The following ZNF827 variants were observed in gnomAD, a reference collection of about 807,000 sequenced individuals.
The protein encoded by ZNF827 is zinc finger protein 827.
A neutral mutation model predicts 102.4 loss-of-function variants in ZNF827; 13 were observed. The observed-to-expected ratio is 0.13, with a 90% CI of 0.08 to 0.20. ZNF827 has a LOEUF of 0.20. ZNF827 is among the 10% of genes least tolerant of loss of function. ZNF827 has a pLI of 1.00. For synonymous variants in ZNF827, 523 were observed against 536.2 expected (o/e 0.98, Z 0.34); for missense variants, 1,103 against 1,344.4 (o/e 0.82, Z 2.81).
intron 8 of ZNF827, among the ~76,000 whole-genome samples, chr4:145,811,577 T>G (rs1287547151): frequency 1.3e-5 from 2 of 152,190 alleles, no homozygotes; most frequent in Non-Finnish European, 2.9e-5. Context: ...GTGCAAGACC[T>G]TGGAAGTGCC....
At chr4:145,837,896 C>A (rs1745022159) in intron 7 of ZNF827, among the ~76,000 whole-genome samples, 1 of 152,134 alleles carries the variant, frequency 6.6e-6, no homozygotes, top group Non-Finnish European at 1.5e-5. Context: ...AGCTTAATCT[C>A]TCCCACTCTA....
chr4:145,901,984 T>G (rs189517356), intron 2 of ZNF827, among the ~76,000 whole-genome samples, 182 bp downstream of exon 2: 39 of 152,380 alleles, frequency 2.6e-4, no homozygotes, highest in African/African-American at 8.2e-4. Flanking sequence ...TTGTGAAGTC[T>G]TTGTGTAATA....
At chr4:145,832,301 C>CCACACA (rs58517710) in intron 7 of ZNF827, 9,605 of 147,778 alleles carry the variant, frequency 0.065, 334 homozygotes, top group African/African-American at 0.093. Flanking sequence ...CAAAACAAAA[C>CCACACA]CACACACACA....
chr4:145,847,141 G>T (rs1485664785), intron 6 of ZNF827, among the ~76,000 whole-genome samples: 1 of 151,244 alleles, frequency 6.6e-6, no homozygotes, highest in Non-Finnish European at 1.5e-5. Context: ...GCGACAGAGT[G>T]TAACTCTGTC....
chr4:145,823,396 A>G, intron 8 of ZNF827, 26 bp downstream of exon 8: 1 of 1,581,708 alleles, frequency 6.3e-7, no homozygotes, highest in Non-Finnish European at 8.7e-7. Flanking sequence ...TCAACAGTAG[A>G]AGCAAAGCCA....
In ZNF827 at chr4:145,785,916, T is replaced by C. The variant is rs373625221; in HGVS notation, c.2384-6405A>G. Among the ~76,000 whole-genome samples, 4 of 152,216 alleles carry C rather than the reference T, an allele frequency of 2.6e-5. No homozygotes were observed. The South Asian group carries it at 8.3e-4, about 31-fold the overall frequency. On this transcript the variant is annotated intron_variant, in intron 8 of 14. Coordinates refer to ENST00000508784, the MANE Select transcript of ZNF827 (RefSeq NM_001306215.2). ...ACACTAGCACTTTTCTCCATTTCTG[T>C]TATTAAAAGTATAAGCCTAGAATAT... is the stretch of plus-strand genomic sequence containing the variant.
At position 145,765,866 on chromosome 4, in the gene ZNF827, C is replaced by T. The variant is rs559537329; in HGVS notation, c.2861-128G>A. ...TGGGGGCACAGGCTCATGTCCCCAG[C>T]TCCCCCACTGCTGGGGGATCCCAGG... On this transcript the variant is annotated intron_variant, in intron 11 of 14. Coordinates refer to ENST00000508784, the MANE Select transcript of ZNF827 (RefSeq NM_001306215.2). This position sits in a 1 kb window ranked among gnomAD's most constrained non-coding sequence, Gnocchi z 4.7. The T allele has an allele frequency of 1.3e-5, 12 of 919,496 alleles. No individual in the cohort carries two copies. The East Asian group carries it at 3.3e-4, about 25-fold the overall frequency. The allele number at this position is 919,496 out of a possible 1,614,324, so 57.0% of individuals were successfully genotyped here. A position where few individuals can be genotyped will look rare whatever the true frequency, so the allele number is the denominator to read the frequency against.
At position 145,870,456 on chromosome 4, in the gene ZNF827, C is replaced by T. The variant is rs1349628837; in HGVS notation, c.1770G>A (p.Met590Ile). The T allele has an allele frequency of 4.3e-6, 7 of 1,614,040 alleles. No homozygotes were observed. Among genetic ancestry groups the T allele is most frequent in the Non-Finnish European group, 5.9e-6 (7 of 1,179,988 alleles). The change falls in exon 5 of 15, where the codon ATG (methionine) becomes ATA (isoleucine). Residue 590 changes from methionine to isoleucine, a missense_variant. Physicochemically the swap from Met to Ile is conservative, Grantham distance 10. Coordinates refer to ENST00000508784, the MANE Select transcript of ZNF827 (RefSeq NM_001306215.2). ...KLSAANQKEP[M>I]NLNFKVKEEP... ...CCTCTTTCACTTTAAAATTAAGATT[C>T]ATGGGCTCCTTCTGATTTGCAGCTG...
At chr4:145,892,652 C>T (rs1382143233) in intron 2 of ZNF827, among the ~76,000 whole-genome samples, 1 of 146,340 alleles carries the variant, frequency 6.8e-6, no homozygotes, top group Non-Finnish European at 1.6e-5. Context: ...ATCATCCTGC[C>T]TTGTGAAAGT....
chr4:145,896,892 T>C (rs1277236019), intron 2 of ZNF827, among the ~76,000 whole-genome samples: 1 of 152,198 alleles, frequency 6.6e-6, no homozygotes, highest in Non-Finnish European at 1.5e-5. Flanking sequence ...AGAGATGATC[T>C]TATGGGAGGT....
Position 145,757,817 on chromosome 4 carries a change from AT to A in ZNF827, c.*3798del, listed in dbSNP as rs1454174909. The A allele has an allele frequency of 6.6e-6, 1 of 152,202 alleles. No homozygotes were observed. Among genetic ancestry groups the A allele is most frequent in the Non-Finnish European group, 1.5e-5 (1 of 68,024 alleles). The allele number at this position is 152,202 out of a possible 1,614,324, so 9.4% of individuals were successfully genotyped here. On this transcript the variant is annotated 3_prime_UTR_variant, in exon 15 of 15. Transcript: ENST00000508784. ...AGTAATGTACACAAACCTTGACAGT[AT>A]GATCATCTGAACATAATATGAAGAG...
chr4:145,925,162 A>C (rs1753338093), intron 1 of ZNF827, among the ~76,000 whole-genome samples: 1 of 152,166 alleles, frequency 6.6e-6, no homozygotes, highest in Admixed American at 6.5e-5. Context: ...CACCACAGGA[A>C]AGACCCATCC....
intron 1 of ZNF827, among the ~76,000 whole-genome samples, chr4:145,914,062 GACACACACAC>G: frequency 6.7e-6 from 1 of 148,216 alleles, no homozygotes; most frequent in East Asian, 2.0e-4. Flanking sequence ...TTTCTTTGTA[GACACACACAC>G]ACACACACAC....
intron 7 of ZNF827, among the ~76,000 whole-genome samples, chr4:145,843,303 T>A (rs562137627): frequency 6.6e-6 from 1 of 151,966 alleles, no homozygotes; most frequent in East Asian, 1.9e-4. Flanking sequence ...AAACACCATA[T>A]CATGCCGGGA....
In ZNF827 at chr4:145,844,684, A is replaced by ATAAATAAAT. The variant is rs1270739565; in HGVS notation, c.2279+1263_2279+1271dup. On this transcript the variant is annotated intron_variant, in intron 7 of 14. Coordinates refer to ENST00000508784, the MANE Select transcript of ZNF827 (RefSeq NM_001306215.2). Reference sequence around the variant, plus strand: ...AACAGAGTGAGACTGTCTCAAATAAATAAATAAATAAATAAATAAATAAAT... The same window carrying ATAAATAAAT: ...AACAGAGTGAGACTGTCTCAAATAAATAAATAAATTAAATAAATAAATAAATAAATAAAT... Among the ~76,000 whole-genome samples the ATAAATAAAT allele has an allele frequency of 3.0e-3, 109 of 36,826 alleles. 1 individual carries two copies. The highest frequency in any genetic ancestry group is 0.012 in the African/African-American group (106 of 9,140). 24.2% of individuals were successfully genotyped at this position (36,826 alleles called of 152,430 possible). A position where few individuals can be genotyped will look rare whatever the true frequency, so the allele number is the denominator to read the frequency against.
At chr4:145,781,195 C>CAAAAAAAAAAAA (rs10605153) in intron 8 of ZNF827, among the ~76,000 whole-genome samples, 73 of 56,546 alleles carry the variant, frequency 1.3e-3, no homozygotes, top group Non-Finnish European at 1.4e-3. Context: ...GACACCATCT[C>CAAAAAAAAAAAA]AAAAAAAAAA....
chr4:145,836,365 G>A (rs868187322), intron 7 of ZNF827, among the ~76,000 whole-genome samples: 7 of 152,116 alleles, frequency 4.6e-5, no homozygotes, highest in African/African-American at 1.7e-4. Flanking sequence ...TGACCTTACT[G>A]TTTTAGCCTA....
chr4:145,865,997 C>T (rs1296046766), intron 5 of ZNF827, among the ~76,000 whole-genome samples: 2 of 152,144 alleles, frequency 1.3e-5, no homozygotes, highest in African/African-American at 4.8e-5. Flanking sequence ...TCCCCCTTTC[C>T]ATCATGTGGA....
At position 145,758,690 on chromosome 4, in the gene ZNF827, G is replaced by A. The variant is rs190354536; in HGVS notation, c.*2926C>T. 1.3e-5 allele frequency: 2 copies of A among 152,334 alleles called. No individual in the cohort carries two copies. The highest frequency in any genetic ancestry group is 3.9e-4 in the East Asian group (2 of 5,186). The allele number at this position is 152,334 out of a possible 1,614,324, so 9.4% of individuals were successfully genotyped here. On this transcript the variant is annotated 3_prime_UTR_variant, in exon 15 of 15. Transcript: ENST00000508784. Reference sequence around the variant, plus strand: ...TCTTTTACTGAGACATTGACGTGGCGAGGTTGAACATCGTTTCAAACCTGG... The same window carrying A: ...TCTTTTACTGAGACATTGACGTGGCAAGGTTGAACATCGTTTCAAACCTGG...
Sources: gnomAD v4.1 joint callset for allele counts (sites outside exome capture counted in the v4.1 genomes callset) on GRCh38, gnomAD v4.1.1 for gene constraint, Gnocchi (gnomAD v3.1) non-coding constraint, MANE v1.5 for transcripts, NCBI Gene and HGNC (gene_info 2026-07-23, HGNC 2026-07-21) for gene names.